KCND3: variants seen among roughly 807,000 people sequenced by gnomAD.
The protein encoded by KCND3 is A-type voltage-gated potassium channel KCND3.
KCND3 carries 9 observed loss-of-function variants against 51.1 expected under a neutral mutation model. The observed-to-expected ratio is 0.18, with a 90% CI of 0.11 to 0.31. The LOEUF (loss-of-function observed/expected upper bound fraction) is 0.31. Ranked by LOEUF, KCND3 falls within the 10% of genes least tolerant of loss-of-function variation. The probability of loss-of-function intolerance (pLI) is 1.00; values close to 1 mark genes in which losing one functional copy is unlikely to be tolerated. For missense variants in KCND3, 526 were observed against 903.8 expected, an observed-to-expected ratio of 0.58 and a Z score of 5.36; for synonymous variants, 349 against 368.0, an observed-to-expected ratio of 0.95 and a Z score of 0.59.
chr1:111,966,156 C>T (rs1482677959), intron 2 of KCND3, among the ~76,000 whole-genome samples: 1 of 152,218 alleles, frequency 6.6e-6, no homozygotes, highest in Admixed American at 6.5e-5. Context: ...ATCCTGGAGA[C>T]AGCCCACACG....
intron 2 of KCND3, among the ~76,000 whole-genome samples, chr1:111,861,064 T>C (rs1429519695): frequency 1.3e-5 from 2 of 151,852 alleles, no homozygotes; most frequent in Non-Finnish European, 2.9e-5. Flanking sequence ...CCTCTCACCA[T>C]CTCCCATTTC....
chr1:111,906,872 C>T (rs1670671827), intron 2 of KCND3, among the ~76,000 whole-genome samples: 2 of 152,344 alleles, frequency 1.3e-5, no homozygotes, highest in South Asian at 4.1e-4. Context: ...CTCCTGACTT[C>T]CATACTCCAA....
intron 2 of KCND3, 60 bp from the exon 3 acceptor site, chr1:111,787,166 G>T (rs1664637917): frequency 2.0e-6 from 3 of 1,538,312 alleles, no homozygotes; most frequent in Non-Finnish European, 2.7e-6. Flanking sequence ...AACAAGGCAG[G>T]CTTCCCTGCC....
chr1:111,913,408 A>G (rs185562935), intron 2 of KCND3, among the ~76,000 whole-genome samples: 1 of 152,318 alleles, frequency 6.6e-6, no homozygotes, highest in Non-Finnish European at 1.5e-5. Flanking sequence ...GGTCCTCAGA[A>G]AGGCATCACA....
intron 2 of KCND3, among the ~76,000 whole-genome samples, chr1:111,947,177 C>T (rs1309416507): frequency 6.6e-6 from 1 of 152,192 alleles, no homozygotes; most frequent in South Asian, 2.1e-4. Flanking sequence ...AGGACTAGTC[C>T]CTTTCTCCAC....
chr1:111,864,715 A>C (rs1243815521), intron 2 of KCND3, among the ~76,000 whole-genome samples: 2 of 152,208 alleles, frequency 1.3e-5, no homozygotes, highest in African/African-American at 4.8e-5. Flanking sequence ...TGACTCAGCA[A>C]GGTCAAGCAG....
rs904868185 is a variant in KCND3 at position 111,890,002 on chromosome 1, G to A, written c.1106+91619C>T. Among the ~76,000 whole-genome samples the A allele has an allele frequency of 6.6e-5, 10 of 152,128 alleles. 1 individual carries two copies. Among genetic ancestry groups the A allele is most frequent in the African/African-American group, 2.2e-4 (9 of 41,418 alleles). On this transcript the variant is annotated intron_variant, in intron 2 of 7. Coordinates refer to ENST00000302127, the MANE Select transcript of KCND3 (RefSeq NM_001378969.1). ...GGGACAACAAACAGAATGGCTGGTC[G>A]GGAGGGACTAGGAGCAAGAGTCGCA...
At chr1:111,846,651 A>G (rs1384189761) in intron 2 of KCND3, among the ~76,000 whole-genome samples, 1 of 152,244 alleles carries the variant, frequency 6.6e-6, no homozygotes, top group Admixed American at 6.5e-5. Context: ...GACAGTCTAC[A>G]GGACATCTGC....
At position 111,780,573 on chromosome 1, in the gene KCND3, C is replaced by T. The variant is rs975359819; in HGVS notation, c.1371+117G>A. 23 of 960,348 alleles carry T rather than the reference C, an allele frequency of 2.4e-5. No homozygotes were observed. Among genetic ancestry groups the T allele is most frequent in the South Asian group, 7.0e-5 (5 of 71,722 alleles). The allele number at this position is 960,348 out of a possible 1,614,324, so 59.5% of individuals were successfully genotyped here. A position where few individuals can be genotyped will look rare whatever the true frequency, so the allele number is the denominator to read the frequency against. On this transcript the variant is annotated intron_variant, in intron 4 of 7. Coordinates refer to ENST00000302127, the MANE Select transcript of KCND3 (RefSeq NM_001378969.1). The surrounding 1 kb of genome is among the most constrained non-coding windows in gnomAD (Gnocchi z 4.2). ...CTGCTACCTGGGGAAAGTTTGGAAACGTGTCCTCCTTGGGGTTCATACTGG... is the reference window on the plus strand; with the variant it reads ...CTGCTACCTGGGGAAAGTTTGGAAATGTGTCCTCCTTGGGGTTCATACTGG...
intron 2 of KCND3, among the ~76,000 whole-genome samples, chr1:111,921,759 G>A (rs1231492818): frequency 6.6e-6 from 1 of 152,104 alleles, no homozygotes; most frequent in East Asian, 1.9e-4. Context: ...TTTCTCCCAG[G>A]CCTTTGTTAG....
intron 2 of KCND3, among the ~76,000 whole-genome samples, chr1:111,793,332 C>T (rs565708278): frequency 4.3e-4 from 66 of 152,126 alleles, no homozygotes; most frequent in African/African-American, 1.4e-3. Flanking sequence ...TCCATCACCA[C>T]GCCTGGCTAA....
intron 2 of KCND3, among the ~76,000 whole-genome samples, chr1:111,943,321 G>C (rs865880839): frequency 6.6e-6 from 1 of 152,128 alleles, no homozygotes; most frequent in South Asian, 2.1e-4. Flanking sequence ...TCCATGGAGC[G>C]CACCATGCCC....
intron 2 of KCND3, among the ~76,000 whole-genome samples, chr1:111,845,067 T>C (rs1667485814): frequency 6.6e-6 from 1 of 152,144 alleles, no homozygotes; most frequent in Non-Finnish European, 1.5e-5. Flanking sequence ...TACTTTCCAT[T>C]CACACTGTAA....
At chr1:111,985,225 A>C (rs1211926792) in intron 1 of KCND3, among the ~76,000 whole-genome samples, 2 of 152,218 alleles carry the variant, frequency 1.3e-5, no homozygotes, top group African/African-American at 4.8e-5. Context: ...TGTGCCAGGC[A>C]CAGTACCACA....
intron 2 of KCND3, among the ~76,000 whole-genome samples, chr1:111,907,905 C>G (rs1189507997): frequency 6.6e-6 from 1 of 152,226 alleles, no homozygotes; most frequent in African/African-American, 2.4e-5. Context: ...TTCTGCCTCT[C>G]TGCAGTGTCT....
rs1414541583 is a variant in KCND3 at position 111,815,266 on chromosome 1, A to G, written c.1107-28160T>C. Reference sequence around the variant, plus strand: ...TTGTAAGTTTCATTGCAATTAGCACAGTGATGTTCCCCTCTCTTCTTTTCC... The same window carrying G: ...TTGTAAGTTTCATTGCAATTAGCACGGTGATGTTCCCCTCTCTTCTTTTCC... On this transcript the variant is annotated intron_variant, in intron 2 of 7. Transcript: ENST00000302127. 2.6e-5 allele frequency among the ~76,000 whole-genome samples: 4 copies of G among 152,058 alleles called. No individual in the cohort carries two copies. The East Asian group carries it at 7.7e-4, about 29-fold the overall frequency.
chr1:111,952,942 C>T (rs1352868324), intron 2 of KCND3, among the ~76,000 whole-genome samples: 1 of 152,110 alleles, frequency 6.6e-6, no homozygotes, highest in African/African-American at 2.4e-5. Flanking sequence ...ATAATATAAA[C>T]AACATTTTAT....
At chr1:111,827,908 C>A (rs1175916791) in intron 2 of KCND3, among the ~76,000 whole-genome samples, 2 of 152,088 alleles carry the variant, frequency 1.3e-5, no homozygotes, top group Non-Finnish European at 1.5e-5. Flanking sequence ...TTTCTAGAGC[C>A]CTGGGATAGA....
intron 2 of KCND3, among the ~76,000 whole-genome samples, chr1:111,894,573 A>G (rs950905144): frequency 1.3e-5 from 2 of 152,202 alleles, no homozygotes; most frequent in Admixed American, 6.5e-5. Flanking sequence ...AGTACTTGGC[A>G]CTTAGTAAAT....
Sources: gnomAD v4.1 joint callset for allele counts (sites outside exome capture counted in the v4.1 genomes callset) on GRCh38, gnomAD v4.1.1 for gene constraint, Gnocchi (gnomAD v3.1) non-coding constraint, MANE v1.5 for transcripts, NCBI Gene and HGNC (gene_info 2026-07-23, HGNC 2026-07-21) for gene names.